SHD: variants seen among roughly 807,000 people sequenced by gnomAD.
SHD encodes SH2 domain-containing adapter protein D.
Under a neutral mutation model 31.2 loss-of-function variants are expected in SHD, and 29 were observed. The observed-to-expected ratio is 0.93, with a 90% CI of 0.69 to 1.27. The LOEUF (loss-of-function observed/expected upper bound fraction) is 1.27. Ranked by LOEUF, SHD falls within the 50% of genes most tolerant of loss-of-function variation. SHD has a pLI of 0.00. For synonymous variants in SHD, 208 were observed against 187.8 expected (o/e 1.11, Z -0.88); for missense variants, 520 against 453.8 (o/e 1.15, Z -1.33).
intron 4 of SHD, among the ~76,000 whole-genome samples, chr19:4,286,354 T>C (rs1223226159): frequency 1.4e-5 from 2 of 142,920 alleles, no homozygotes; most frequent in African/African-American, 5.4e-5. Context: ...CTCTCTTTCT[T>C]TCTTTCTTTT....
At chr19:4,280,416 C>G (rs1971246413) in intron 1 of SHD, 56 bp downstream of exon 1, 1 of 1,493,070 alleles carries the variant, frequency 6.7e-7, no homozygotes, top group South Asian at 1.3e-5. Context: ...AGGATGGGCT[C>G]TCTGGATCGT....
Position 4,279,584 on chromosome 19 carries a change from A to C in SHD, c.-480A>C. The stretch of plus-strand genomic sequence containing the variant: ...GGGGAGCCCGCCCGCTGCGCTGAGA[A>C]CCCAGGCGTCCGGGCTGGGAGAGGG... On this transcript the variant is annotated 5_prime_UTR_variant, in exon 1 of 6. Transcript: ENST00000543264. The surrounding 1 kb of genome is among the most constrained non-coding windows in gnomAD (Gnocchi z 7.5). 1 of 153,348 alleles carries C rather than the reference A, an allele frequency of 6.5e-6. No homozygotes were observed. The highest frequency in any genetic ancestry group is 1.5e-5 in the Non-Finnish European group (1 of 68,892). The allele number at this position is 153,348 out of a possible 1,614,324, so 9.5% of individuals were successfully genotyped here. A position where few individuals can be genotyped will look rare whatever the true frequency, so the allele number is the denominator to read the frequency against.
chr19:4,286,276 T>TTTCCTTCC (rs1971315124), intron 4 of SHD, among the ~76,000 whole-genome samples: 1 of 104,524 alleles, frequency 9.6e-6, no homozygotes, highest in African/African-American at 3.4e-5. Flanking sequence ...TCTTTCTTTC[T>TTTCCTTCC]TTCTTTTTTT....
chr19:4,282,525 A>T (rs1971266280), intron 1 of SHD, among the ~76,000 whole-genome samples: 1 of 152,098 alleles, frequency 6.6e-6, no homozygotes, highest in African/African-American at 2.4e-5. Context: ...GGAGATCGAG[A>T]CCATCCCGGC....
At position 4,290,515 on chromosome 19, in the gene SHD, ACAGCGGGCCCTTCCC is replaced by A; in HGVS notation, c.911_925del (p.Gly304_Ser308del). 6.2e-7 allele frequency: 1 copy of A among 1,613,570 alleles called. No individual in the cohort carries two copies. Among genetic ancestry groups the A allele is most frequent in the Middle Eastern group, 1.7e-4 (1 of 6,060 alleles). On this transcript the variant is annotated inframe_deletion, in exon 6 of 6. Coordinates refer to ENST00000543264, the MANE Select transcript of SHD (RefSeq NM_020209.4). ...GAGAACCAGGTGGTGCTGGGCCAAC[ACAGCGGGCCCTTCCC>A]CAGCGTGCCCGAGCTCGTCCTCCAC...
chr19:4,286,107 G>A (rs1437076061), intron 4 of SHD, among the ~76,000 whole-genome samples: 1 of 151,362 alleles, frequency 6.6e-6, no homozygotes, highest in African/African-American at 2.4e-5. Flanking sequence ...AGCCAGGCTG[G>A]TCTCAAACTC....
chr19:4,289,905 TCA>T (rs1011671914), intron 5 of SHD, among the ~76,000 whole-genome samples: 14 of 147,946 alleles, frequency 9.5e-5, no homozygotes, highest in African/African-American at 3.5e-4. Context: ...AGACAGAGTC[TCA>T]CTCTGTCACC....
chr19:4,283,323 T>G (rs1971276117), intron 3 of SHD, 81 bp downstream of exon 3: 8 of 1,415,290 alleles, frequency 5.7e-6, no homozygotes, highest in Non-Finnish European at 7.7e-6. Context: ...TGTTTCAGTT[T>G]ACAAAGTAGA....
At position 4,285,889 on chromosome 19, in the gene SHD, C is replaced by CTTTTTTTTTTTTTT. The variant is rs56142317; in HGVS notation, c.716+993_716+1006dup. On this transcript the variant is annotated intron_variant, in intron 4 of 5. Coordinates refer to ENST00000543264, the MANE Select transcript of SHD (RefSeq NM_020209.4). The stretch of plus-strand genomic sequence containing the variant: ...TCTTCTCTTTCTTTTCTTTTCCTTT[C>CTTTTTTTTTTTTTT]TTTTTTTTTTTTTTTTTTTTTGACA... Among the ~76,000 whole-genome samples the CTTTTTTTTTTTTTT allele has an allele frequency of 3.0e-4, 26 of 87,368 alleles. 3 individuals carry two copies. The highest frequency in any genetic ancestry group is 8.2e-4 in the African/African-American group (16 of 19,616). The allele number at this position is 87,368 out of a possible 152,430, so 57.3% of individuals were successfully genotyped here.
chr19:4,284,768 A>C lies in SHD; in HGVS notation c.593-13A>C, dbSNP rs199820432. 133 of 1,577,682 alleles carry C rather than the reference A, an allele frequency of 8.4e-5. 1 individual carries two copies. The East Asian group carries it at 2.9e-3, about 34-fold the overall frequency. The stretch of plus-strand genomic sequence containing the variant: ...CTGGACTTAACCCTTTCCTCTCTAA[A>C]TCTCCTTTCCAGTGCAGTTTGACAG... On this transcript the variant is annotated splice_polypyrimidine_tract_variant and intron_variant, in intron 3 of 5. Coordinates refer to ENST00000543264, the MANE Select transcript of SHD (RefSeq NM_020209.4).
chr19:4,280,498 C>G, intron 1 of SHD, 138 bp downstream of exon 1: 1 of 890,056 alleles, frequency 1.1e-6, no homozygotes, highest in Non-Finnish European at 1.7e-6. Flanking sequence ...GTCCTCCAGA[C>G]CTCCACCTGC....
Position 4,279,657 on chromosome 19 carries a change from G to A in SHD, c.-407G>A, listed in dbSNP as rs1971234562. The A allele has an allele frequency of 6.0e-6, 1 of 167,642 alleles. No homozygotes were observed. The highest frequency in any genetic ancestry group is 2.4e-5 in the African/African-American group (1 of 41,942). The allele number at this position is 167,642 out of a possible 1,614,324, so 10.4% of individuals were successfully genotyped here. On this transcript the variant is annotated 5_prime_UTR_variant, in exon 1 of 6. Transcript: ENST00000543264. The surrounding 1 kb of genome is among the most constrained non-coding windows in gnomAD (Gnocchi z 7.5). The stretch of plus-strand genomic sequence containing the variant: ...GCTGGCCCGGATCTCCCGACCCCAG[G>A]AAGGGATCCCGGAGCTTCCTGGAGG...
At chr19:4,287,006 T>A (rs937631260) in intron 4 of SHD, among the ~76,000 whole-genome samples, 1 of 151,436 alleles carries the variant, frequency 6.6e-6, no homozygotes, top group East Asian at 2.0e-4. Flanking sequence ...CAGGCCAACA[T>A]GGTGAAACCC....
rs1487287855 is a variant in SHD at position 4,284,879 on chromosome 19, C to G, written c.691C>G (p.Pro231Ala). 8 of 1,606,784 alleles carry G rather than the reference C, an allele frequency of 5.0e-6. No individual in the cohort carries two copies. Among genetic ancestry groups the G allele is most frequent in the East Asian group, 2.2e-5 (1 of 44,548 alleles). ...CCCCCAGCCTGCGGAGCGTGTGGAC[C>G]CAGCCCTGCCCCTGGAGAAACAGCC... Reference protein sequence around the residue: ...RSPQPAERVDPALPLEKQPWF... With the variant: ...RSPQPAERVDAALPLEKQPWF... The change falls in exon 4 of 6, where the codon CCA (proline) becomes GCA (alanine). Residue 231 changes from proline (P) to alanine (A), a missense_variant. By Grantham distance (27) the Pro-to-Ala change is conservative (BLOSUM62 -1). Coordinates refer to ENST00000543264, the MANE Select transcript of SHD (RefSeq NM_020209.4).
chr19:4,280,112 C>A lies in SHD; in HGVS notation c.49C>A (p.Pro17Thr). The change falls in exon 1 of 6, where the codon CCT (proline) becomes ACT (threonine). Residue 17 changes from proline to threonine, a missense_variant. Transcript: ENST00000543264. ...CCTGAGCTTTGGGGGTCGGAGGCCC[C>A]CTCCGCAGCCGCCCACCCCGGACTA... ...DYLSFGGRRP[P>T]PQPPTPDYTE... 1.9e-6 allele frequency: 3 copies of A among 1,611,924 alleles called. No homozygotes were observed. Among genetic ancestry groups the A allele is most frequent in the Non-Finnish European group, 2.5e-6 (3 of 1,179,290 alleles).
chr19:4,282,328 G>T (rs1265905387), intron 1 of SHD, among the ~76,000 whole-genome samples: 1 of 152,160 alleles, frequency 6.6e-6, no homozygotes, highest in South Asian at 2.1e-4. Context: ...ACTGAGGCAG[G>T]AGAATTGCTT....
At position 4,290,467 on chromosome 19, in the gene SHD, A is replaced by G. The variant is rs775978612; in HGVS notation, c.857A>G (p.His286Arg). The change falls in exon 6 of 6, where the codon CAT becomes CGT. Residue 286 changes from histidine to arginine, a missense_variant. His to Arg is a conservative substitution (Grantham distance 29). Coordinates refer to ENST00000543264, the MANE Select transcript of SHD (RefSeq NM_020209.4). ...CCCAGGAGCAGCCAGGGCTTCCTGC[A>G]TCTGAAGTTCGCGCGGACCCGTGAG... ...LSLRSSQGFL[H>R]LKFARTRENQ... 9.3e-6 allele frequency: 15 copies of G among 1,612,530 alleles called. No homozygotes were observed. In the African/African-American group the frequency reaches 1.9e-4, roughly 20 times the overall value.
chr19:4,286,474 G>A, intron 4 of SHD, among the ~76,000 whole-genome samples: 1 of 151,644 alleles, frequency 6.6e-6, no homozygotes, highest in Non-Finnish European at 1.5e-5. Flanking sequence ...CCTCTCCATG[G>A]GACCACAGGC....
intron 1 of SHD, 33 bp from the exon 2 acceptor site, chr19:4,282,837 G>T (rs376328958): frequency 1.9e-6 from 3 of 1,605,154 alleles, no homozygotes; most frequent in Non-Finnish European, 2.6e-6. Flanking sequence ...GCCCCTCTGA[G>T]TCCTTGTCTT....
Sources: gnomAD v4.1 joint callset for allele counts (sites outside exome capture counted in the v4.1 genomes callset) on GRCh38, gnomAD v4.1.1 for gene constraint, Gnocchi (gnomAD v3.1) non-coding constraint, MANE v1.5 for transcripts, NCBI Gene and HGNC (gene_info 2026-07-23, HGNC 2026-07-21) for gene names.